OPN5: variants seen among roughly 807,000 people sequenced by gnomAD.
OPN5 encodes opsin-5.
OPN5 carries 18 observed loss-of-function variants against 41.7 expected under a neutral mutation model. The observed-to-expected ratio is 0.43, with a 90% confidence interval of 0.30 to 0.64. OPN5 has a LOEUF of 0.64. OPN5 is among the 30% of genes least tolerant of loss of function. OPN5 has a pLI of 0.13. For synonymous variants in OPN5, 178 were observed against 164.3 expected (o/e 1.08, Z -0.64); for missense variants, 318 against 434.5 (o/e 0.73, Z 2.38).
rs1300707694 is a variant in OPN5, at chr6:47,808,159, G to T, written c.762G>T (p.Ala254=). 11 of 1,613,744 alleles carry T rather than the reference G, an allele frequency of 6.8e-6. No individual in the cohort carries two copies. In the Middle Eastern group the frequency reaches 5.0e-4, roughly 73 times the overall value. ...CTGTTGCTTTCCCTCATCAGGTAGC[G>T]ATGTTGATTTGTGCTGGATTCCTGA... Residue 254 remains alanine, a synonymous_variant, in exon 5 of 7, where the codon GCG becomes GCT. Coordinates refer to ENST00000371211, the Ensembl canonical transcript of OPN5.
At chr6:47,815,971 C>T (rs904253799) in intron 6 of OPN5, among the ~76,000 whole-genome samples, 1 of 152,140 alleles carries the variant, frequency 6.6e-6, no homozygotes, top group Non-Finnish European at 1.5e-5. Flanking sequence ...GACAAATATA[C>T]CCTCACATGC....
intron 6 of OPN5, among the ~76,000 whole-genome samples, chr6:47,822,109 CAAAAAAA>C (rs11284494): frequency 1.1e-5 from 1 of 89,104 alleles, no homozygotes; most frequent in Admixed American, 1.3e-4. Context: ...GACTCTGTCT[CAAAAAAA>C]AAAAAAAAAA....
chr6:47,803,240 C>T (rs1773843229), intron 4 of OPN5, among the ~76,000 whole-genome samples: 1 of 152,166 alleles, frequency 6.6e-6, no homozygotes, highest in Admixed American at 6.5e-5. Context: ...TGTGAAGGAA[C>T]CAAAGAAGGT....
chr6:47,819,951 C>T (rs961967382), intron 6 of OPN5, among the ~76,000 whole-genome samples: 15 of 152,166 alleles, frequency 9.9e-5, no homozygotes, highest in African/African-American at 3.6e-4. Context: ...TTAACATATG[C>T]CAAGGATTGT....
rs140824434 is a variant in OPN5 at position 47,810,694 on chromosome 6, A to G, written c.999-980A>G. On this transcript the variant is annotated intron_variant, in intron 5 of 6. Transcript: ENST00000371211. Reference sequence around the variant, plus strand: ...TAATTTTAACAGTCTATTACAAGTTAAACTCATTTTTTCCTCCTGAATTGA... The same window carrying G: ...TAATTTTAACAGTCTATTACAAGTTGAACTCATTTTTTCCTCCTGAATTGA... Among the ~76,000 whole-genome samples the G allele has an allele frequency of 1.6e-4, 24 of 152,316 alleles. No homozygotes were observed. The East Asian group carries it at 4.4e-3, about 28-fold the overall frequency.
At chr6:47,804,352 G>A (rs998695415) in intron 4 of OPN5, among the ~76,000 whole-genome samples, 1 of 152,150 alleles carries the variant, frequency 6.6e-6, no homozygotes, top group Non-Finnish European at 1.5e-5. Flanking sequence ...GATGGGTACA[G>A]GAGCCTGTGT....
intron 6 of OPN5, among the ~76,000 whole-genome samples, chr6:47,823,774 G>A (rs1388404003): frequency 2.6e-5 from 4 of 152,158 alleles, no homozygotes. Context: ...GTGGCCTTTA[G>A]AACATCCAGG....
intron 3 of OPN5, among the ~76,000 whole-genome samples, chr6:47,794,390 T>A (rs1206028738): frequency 2.6e-5 from 4 of 152,230 alleles, no homozygotes; most frequent in African/African-American, 9.6e-5. Context: ...TAATTTCCTG[T>A]GGAGGCTGCT....
chr6:47,819,354 A>ATATATATATATATATATATATATATTTAT, intron 6 of OPN5, among the ~76,000 whole-genome samples: 1 of 59,056 alleles, frequency 1.7e-5, no homozygotes, highest in Non-Finnish European at 3.5e-5. Flanking sequence ...TATATATATA[A>ATATATATATATATATATATATATATTTAT]AAAATATATT....
At chr6:47,792,111 C>A (rs1295222661) in intron 3 of OPN5, 139 bp downstream of exon 3, 4 of 633,960 alleles carry the variant, frequency 6.3e-6, no homozygotes, top group Non-Finnish European at 1.1e-5. Context: ...TATAGCCTAT[C>A]ATCTTGTTCT....
chr6:47,803,265 A>T (rs905514253), intron 4 of OPN5, among the ~76,000 whole-genome samples: 1 of 152,174 alleles, frequency 6.6e-6, no homozygotes, highest in Non-Finnish European at 1.5e-5. Flanking sequence ...CACAGTTGTC[A>T]AGTTCCCTCC....
chr6:47,820,575 C>G (rs2114013239), intron 6 of OPN5, among the ~76,000 whole-genome samples: 1 of 152,178 alleles, frequency 6.6e-6, no homozygotes. Context: ...TCGGGAGGTC[C>G]TAGACCAGGT....
chr6:47,787,589 C>T (rs1275362780), intron 2 of OPN5, among the ~76,000 whole-genome samples: 3 of 152,128 alleles, frequency 2.0e-5, no homozygotes, highest in East Asian at 1.9e-4. Flanking sequence ...AGTAGTTTCC[C>T]GTCAAAAGCC....
intron 6 of OPN5, among the ~76,000 whole-genome samples, chr6:47,818,911 T>A (rs1762511341): frequency 6.6e-6 from 1 of 151,980 alleles, no homozygotes; most frequent in Non-Finnish European, 1.5e-5. Flanking sequence ...GAAATGTGAG[T>A]GTCTGAGACC....
At chr6:47,795,586 CAT>C (rs1437829350) in intron 4 of OPN5, 23 bp downstream of exon 4, 2 of 1,540,888 alleles carry the variant, frequency 1.3e-6, no homozygotes, top group African/African-American at 1.4e-5. Flanking sequence ...ATATTTTACA[CAT>C]GTGTTTTCTG....
chr6:47,782,932 T>C (rs1773120568), intron 1 of OPN5, among the ~76,000 whole-genome samples: 1 of 152,182 alleles, frequency 6.6e-6, no homozygotes. Flanking sequence ...CAAAAAGTGG[T>C]ATAAAATATC....
intron 4 of OPN5, among the ~76,000 whole-genome samples, chr6:47,799,845 G>A (rs935394519): frequency 1.3e-5 from 2 of 152,016 alleles, no homozygotes; most frequent in Non-Finnish European, 2.9e-5. Flanking sequence ...TTGGGAGTGG[G>A]AAAACTGGCT....
intron 6 of OPN5, 74 bp downstream of exon 6, chr6:47,811,805 G>A: frequency 1.1e-6 from 1 of 915,478 alleles, no homozygotes; most frequent in Non-Finnish European, 1.8e-6. Context: ...GTAAACATTT[G>A]ATTGTGGCCA....
At chr6:47,807,073 C>G (rs1195936384) in intron 4 of OPN5, among the ~76,000 whole-genome samples, 1 of 152,172 alleles carries the variant, frequency 6.6e-6, no homozygotes, top group Non-Finnish European at 1.5e-5. Context: ...AGGAGAATCG[C>G]TTGAACCTGG....
Sources: allele counts gnomAD v4.1 joint callset (sites outside exome capture counted in the v4.1 genomes callset), GRCh38; gene constraint gnomAD v4.1.1; transcripts MANE v1.5; gene names NCBI Gene and HGNC (gene_info 2026-07-23, HGNC 2026-07-21).